The following LRP1B variants were observed in gnomAD, a reference collection of about 807,000 sequenced individuals.
LRP1B encodes LDL receptor related protein 1B, also known as low-density lipoprotein receptor-related protein 1B.
LRP1B carries 217 observed loss-of-function variants against 556.6 expected under a neutral mutation model. The ratio of observed to expected loss-of-function variants is 0.39; its 90% CI spans 0.35 to 0.44. The LOEUF (loss-of-function observed/expected upper bound fraction) is 0.44, where lower values mean the gene tolerates loss of function less well. Among genes scored for constraint, LRP1B ranks in the 20% least tolerant of loss-of-function variants. The pLI is 1.00. For missense variants in LRP1B, 5,053 were observed against 5,620.8 expected (o/e 0.90, Z 3.23); for synonymous variants, 2,047 against 1,865.8 (o/e 1.10, Z -2.50).
chr2:141,302,449 T>C (rs1359530944), intron 3 of LRP1B, among the ~76,000 whole-genome samples: 1 of 152,112 alleles, frequency 6.6e-6, no homozygotes, highest in Non-Finnish European at 1.5e-5. Flanking sequence ...TCACTTCAGT[T>C]ACAGAAGATG....
At chr2:140,719,819 T>C (rs139771881) in intron 35 of LRP1B, among the ~76,000 whole-genome samples, 97 of 152,164 alleles carry the variant, frequency 6.4e-4, no homozygotes, top group African/African-American at 2.2e-3. Flanking sequence ...ACCAAGAGTA[T>C]AGAAGAATTA....
intron 1 of LRP1B, among the ~76,000 whole-genome samples, chr2:141,957,508 G>A (rs1701290259): frequency 6.6e-6 from 1 of 151,816 alleles, no homozygotes; most frequent in East Asian, 1.9e-4. Flanking sequence ...TCACAGCTGA[G>A]AGGTATTAAC....
chr2:141,224,622 T>C (rs1365748838), intron 6 of LRP1B, among the ~76,000 whole-genome samples: 1 of 152,116 alleles, frequency 6.6e-6, no homozygotes, highest in Non-Finnish European at 1.5e-5. Context: ...ATATATATCA[T>C]GGAATACTAT....
At chr2:140,327,553 T>C (rs12692050) in intron 79 of LRP1B, among the ~76,000 whole-genome samples, 46,784 of 151,924 alleles carry the variant, frequency 0.31, 8,213 homozygotes, top group Non-Finnish European at 0.4. Context: ...GCTGCTCCTA[T>C]AGTTCAAAAC....
intron 1 of LRP1B, among the ~76,000 whole-genome samples, chr2:141,879,873 T>A (rs1369530): frequency 2.0e-5 from 3 of 151,762 alleles, no homozygotes; most frequent in South Asian, 2.1e-4. Flanking sequence ...TTCTTATCCC[T>A]AGATTATCAC....
At chr2:140,382,378 C>A (rs1002292899) in intron 67 of LRP1B, among the ~76,000 whole-genome samples, 13 of 152,020 alleles carry the variant, frequency 8.6e-5, no homozygotes, top group African/African-American at 2.9e-4. Context: ...TTTCATAAAT[C>A]AGTAACTTAG....
chr2:140,328,012 TCAA>T (rs577814388), intron 79 of LRP1B, among the ~76,000 whole-genome samples: 49 of 152,092 alleles, frequency 3.2e-4, no homozygotes, highest in African/African-American at 1.0e-3. Context: ...AATAAAGGAA[TCAA>T]CTAACTTTTC....
In LRP1B at chr2:141,675,851, A is replaced by G. The variant is rs368349811; in HGVS notation, c.205+134428T>C. 7.2e-5 allele frequency among the ~76,000 whole-genome samples: 11 copies of G among 152,032 alleles called. No individual in the cohort carries two copies. The East Asian group carries it at 1.2e-3, about 16-fold the overall frequency. On this transcript the variant is annotated intron_variant, in intron 2 of 90. Transcript: ENST00000389484. Reference sequence around the variant, plus strand: ...CCATTTGTATAGTGATCTGTTTCCAACGTTTGTAATTTTATGTCTCTAATC... The same window carrying G: ...CCATTTGTATAGTGATCTGTTTCCAGCGTTTGTAATTTTATGTCTCTAATC...
chr2:140,471,143 G>C (rs1687751331), intron 60 of LRP1B, among the ~76,000 whole-genome samples: 1 of 152,096 alleles, frequency 6.6e-6, no homozygotes, highest in Non-Finnish European at 1.5e-5. Flanking sequence ...TTTCTACCTG[G>C]AGAACACCCT....
intron 3 of LRP1B, among the ~76,000 whole-genome samples, chr2:141,456,121 G>A (rs915488598): frequency 9.9e-5 from 15 of 152,218 alleles, no homozygotes; most frequent in Admixed American, 5.2e-4. Flanking sequence ...AGCTGTCAGA[G>A]GACAAACTGG....
intron 75 of LRP1B, 121 bp from the exon 76 acceptor site, chr2:140,353,193 T>A: frequency 1.1e-6 from 1 of 947,680 alleles, no homozygotes; most frequent in Non-Finnish European, 1.6e-6. Context: ...TCCTTTCACA[T>A]CTTTAATCTG....
At chr2:140,470,787 C>T (rs1687737624) in intron 60 of LRP1B, among the ~76,000 whole-genome samples, 1 of 151,470 alleles carries the variant, frequency 6.6e-6, no homozygotes, top group Non-Finnish European at 1.5e-5. Flanking sequence ...ACAAATGAGG[C>T]AACTGAGGTC....
chr2:142,119,760 C>A (rs1370768027), intron 1 of LRP1B, among the ~76,000 whole-genome samples: 4 of 151,962 alleles, frequency 2.6e-5, no homozygotes, highest in Non-Finnish European at 4.4e-5. Context: ...GCCTCTCACT[C>A]TCTCTTTCCT....
chr2:140,725,792 C>G (rs1390554758), intron 35 of LRP1B, among the ~76,000 whole-genome samples: 1 of 152,130 alleles, frequency 6.6e-6, no homozygotes, highest in Admixed American at 6.6e-5. Flanking sequence ...CCCAGCCTCA[C>G]ATCATATCCT....
intron 1 of LRP1B, among the ~76,000 whole-genome samples, chr2:141,853,042 A>T (rs1697918819): frequency 6.6e-6 from 1 of 151,732 alleles, no homozygotes; most frequent in Non-Finnish European, 1.5e-5. Flanking sequence ...TTCCCATGGA[A>T]ATTACATGCA....
rs565673758 is a variant in LRP1B at position 141,670,958 on chromosome 2, TTAGA to T, written c.205+139317_205+139320del. Among the ~76,000 whole-genome samples the T allele has an allele frequency of 1.1e-4, 17 of 152,342 alleles. No individual in the cohort carries two copies. The South Asian group carries it at 3.5e-3, about 32-fold the overall frequency. ...ATTGGACTCATAAAAGGTATCTGAA[TTAGA>T]TAAAAACTAATATATAATGGTATCA... On this transcript the variant is annotated intron_variant, in intron 2 of 90. Transcript: ENST00000389484.
At chr2:140,969,925 A>G (rs1329392276) in intron 18 of LRP1B, among the ~76,000 whole-genome samples, 3 of 152,014 alleles carry the variant, frequency 2.0e-5, no homozygotes, top group African/African-American at 7.2e-5. Context: ...TGTGGGTAAA[A>G]CCCGACCTTT....
chr2:140,718,315 G>A (rs1687281342), intron 35 of LRP1B, among the ~76,000 whole-genome samples: 1 of 151,826 alleles, frequency 6.6e-6, no homozygotes, highest in Non-Finnish European at 1.5e-5. Context: ...GATTATGTTT[G>A]CACATGCACC....
chr2:141,339,678 C>T lies in LRP1B; in HGVS notation c.344-85037G>A, dbSNP rs142539866. ...GAAACCAGTCTCAGTTTGAATGTGG[C>T]GTGGTTTCAACATGAAGTCAATCAT... On this transcript the variant is annotated intron_variant, in intron 3 of 90. Coordinates refer to ENST00000389484, the MANE Select transcript of LRP1B (RefSeq NM_018557.3). Among the ~76,000 whole-genome samples, 321 of 152,164 alleles carry T rather than the reference C, an allele frequency of 2.1e-3. 1 individual carries two copies. The highest frequency in any genetic ancestry group is 7.4e-3 in the African/African-American group (307 of 41,510).
Sources: allele counts gnomAD v4.1 joint callset (sites outside exome capture counted in the v4.1 genomes callset), GRCh38; gene constraint gnomAD v4.1.1; transcripts MANE v1.5; gene names NCBI Gene and HGNC (gene_info 2026-07-23, HGNC 2026-07-21).